Variants in NCDN observed in about 807,000 individuals in gnomAD.
NCDN encodes neurochondrin.
NCDN carries 9 observed loss-of-function variants against 60.7 expected under a neutral mutation model. The observed-to-expected ratio is 0.15, with a 90% CI of 0.09 to 0.26. The LOEUF (loss-of-function observed/expected upper bound fraction) is 0.26, where lower values mean the gene tolerates loss of function less well. NCDN is among the 10% of genes least tolerant of loss of function. NCDN has a pLI of 1.00. For missense variants in NCDN, 578 were observed against 975.2 expected, an observed-to-expected ratio of 0.59 and a Z score of 5.42; for synonymous variants, 409 against 442.5, an observed-to-expected ratio of 0.92 and a Z score of 0.95.
In NCDN at chr1:35,566,519, A is replaced by C. The variant is rs1161792212; in HGVS notation, c.*856A>C. ...CATGTTTCCCCAGTGATTACACTCC[A>C]CTGCCACCGTGGTGCCTGGCTTTAA... On this transcript the variant is annotated 3_prime_UTR_variant, in exon 7 of 7. Coordinates refer to ENST00000373243, the MANE Select transcript of NCDN (RefSeq NM_014284.3). The surrounding 1 kb of genome is among the most constrained non-coding windows in gnomAD (Gnocchi z 5.3). 3 of 315,630 alleles carry C rather than the reference A, an allele frequency of 9.5e-6. No individual in the cohort carries two copies. Among genetic ancestry groups the C allele is most frequent in the African/African-American group, 4.4e-5 (2 of 45,718 alleles). 19.6% of individuals were successfully genotyped at this position (315,630 alleles called of 1,614,324 possible).
chr1:35,563,901 C>T lies in NCDN; in HGVS notation c.1745C>T (p.Thr582Ile). 2 of 1,613,682 alleles carry T rather than the reference C, an allele frequency of 1.2e-6. No individual in the cohort carries two copies. Among genetic ancestry groups the T allele is most frequent in the Non-Finnish European group, 1.7e-6 (2 of 1,179,756 alleles). The change falls in exon 6 of 7, where the codon ACC becomes ATC. Residue 582 changes from threonine (T) to isoleucine (I), a missense_variant. This residue lies in a region of NCDN where 191 missense variants were observed against 372.1 expected (regional missense o/e 0.51). Transcript: ENST00000373243. This position sits in a 1 kb window ranked among gnomAD's most constrained non-coding sequence, Gnocchi z 6.6. ...CTCCTCATGGCCCGGCTCCTTAGCA[C>T]CTCTCCAGGTAAGAACTGGGGATCC... is the stretch of plus-strand genomic sequence containing the variant. ...LGLLMARLLS[T>I]SPALQGTPAS...
Position 35,560,220 on chromosome 1 carries a change from G to C in NCDN, c.175-106G>C. The C allele has an allele frequency of 7.1e-7, 1 of 1,416,796 alleles. No homozygotes were observed. The highest frequency in any genetic ancestry group is 9.6e-7 in the Non-Finnish European group (1 of 1,045,074). 87.8% of individuals were successfully genotyped at this position (1,416,796 alleles called of 1,614,324 possible). On this transcript the variant is annotated intron_variant, in intron 2 of 6. Coordinates refer to ENST00000373243, the MANE Select transcript of NCDN (RefSeq NM_014284.3). This position sits in a 1 kb window ranked among gnomAD's most constrained non-coding sequence, Gnocchi z 7.6. ...GATGAAATGACCTCAGATGAGTCCTGTTGCATAACCTCATCTTGCTAGTCC... is the reference window on the plus strand; with the variant it reads ...GATGAAATGACCTCAGATGAGTCCTCTTGCATAACCTCATCTTGCTAGTCC...
At position 35,565,857 on chromosome 1, in the gene NCDN, G is replaced by T. The variant is rs1648857055; in HGVS notation, c.*194G>T. The T allele has an allele frequency of 3.2e-6, 2 of 625,940 alleles. No homozygotes were observed. The highest frequency in any genetic ancestry group is 2.7e-6 in the Non-Finnish European group (1 of 370,812). The allele number at this position is 625,940 out of a possible 1,614,324, so 38.8% of individuals were successfully genotyped here. A position where few individuals can be genotyped will look rare whatever the true frequency, so the allele number is the denominator to read the frequency against. On this transcript the variant is annotated 3_prime_UTR_variant, in exon 7 of 7. Coordinates refer to ENST00000373243, the MANE Select transcript of NCDN (RefSeq NM_014284.3). This position sits in a 1 kb window ranked among gnomAD's most constrained non-coding sequence, Gnocchi z 8.9. ...TAAGGAACTGCGTTCCGCCCCTCAG[G>T]CCCCCATGGGGGCAGGGATCGGCTT...
chr1:35,560,711 G>A lies in NCDN; in HGVS notation c.560G>A (p.Gly187Glu). Residue 187 changes from glycine (G) to glutamate (E), a missense_variant, in exon 3 of 7, where the codon GGG becomes GAG. Gly to Glu is a moderately conservative substitution (Grantham distance 98, BLOSUM62 -2). Coordinates refer to ENST00000373243, the MANE Select transcript of NCDN (RefSeq NM_014284.3). This position sits in a 1 kb window ranked among gnomAD's most constrained non-coding sequence, Gnocchi z 7.6. ...TCTGCCCTATGCCAGGCATACCTGG[G>A]GCACGGCTATGGCTTTGACCAGGCC... ...TVSALCQAYL[G>E]HGYGFDQALA... is the part of the protein sequence containing the mutation. 6.2e-7 allele frequency: 1 copy of A among 1,612,526 alleles called. No individual in the cohort carries two copies. The highest frequency in any genetic ancestry group is 8.5e-7 in the Non-Finnish European group (1 of 1,180,036).
Position 35,557,811 on chromosome 1 carries a change from G to C in NCDN, c.-380G>C, listed in dbSNP as rs745978262. 8 of 522,012 alleles carry C rather than the reference G, an allele frequency of 1.5e-5. No individual in the cohort carries two copies. Among genetic ancestry groups the C allele is most frequent in the Non-Finnish European group, 3.0e-5 (8 of 270,396 alleles). The allele number at this position is 522,012 out of a possible 1,614,324, so 32.3% of individuals were successfully genotyped here. A position where few individuals can be genotyped will look rare whatever the true frequency, so the allele number is the denominator to read the frequency against. ...GCCTGGAGCCAGGAGTGGGCAACGC[G>C]GCGTGAGCAGCGGCCCGAGGCTCCC... On this transcript the variant is annotated 5_prime_UTR_variant, in exon 1 of 7. Transcript: ENST00000373243.
rs79080032 is a variant in NCDN, at chr1:35,566,341, C to A, written c.*678C>A. 1.1e-5 allele frequency: 2 copies of A among 183,004 alleles called. No individual in the cohort carries two copies. The highest frequency in any genetic ancestry group is 2.2e-4 in the South Asian group (2 of 9,054). The allele number at this position is 183,004 out of a possible 1,614,324, so 11.3% of individuals were successfully genotyped here. ...GGCCCAGATCTTTAAACCTTTGTGT[C>A]GTGTTGCAGCAGAGTGACGATGGGG... On this transcript the variant is annotated 3_prime_UTR_variant, in exon 7 of 7. Transcript: ENST00000373243. This position sits in a 1 kb window ranked among gnomAD's most constrained non-coding sequence, Gnocchi z 5.3.
chr1:35,563,432 G>A lies in NCDN; in HGVS notation c.1610+6G>A. ...ACCGCACCGGGGCTGATCAAGTGAG[G>A]GGCTCGGGAGAGGTGGGGGAGGAGG... On this transcript the variant is annotated splice_donor_region_variant and intron_variant, in intron 5 of 6. Coordinates refer to ENST00000373243, the MANE Select transcript of NCDN (RefSeq NM_014284.3). This position sits in a 1 kb window ranked among gnomAD's most constrained non-coding sequence, Gnocchi z 6.6. 2.5e-6 allele frequency: 4 copies of A among 1,610,092 alleles called. No individual in the cohort carries two copies. Among genetic ancestry groups the A allele is most frequent in the Non-Finnish European group, 3.4e-6 (4 of 1,176,730 alleles).
chr1:35,560,021 T>G lies in NCDN; in HGVS notation c.175-305T>G, dbSNP rs908898004. ...TTAAAACATTGAGTTCTAAGCCCCTTCCATCCCAGGTTGTGGGCATTTAGA... is the reference window on the plus strand; with the variant it reads ...TTAAAACATTGAGTTCTAAGCCCCTGCCATCCCAGGTTGTGGGCATTTAGA... On this transcript the variant is annotated intron_variant, in intron 2 of 6. Coordinates refer to ENST00000373243, the MANE Select transcript of NCDN (RefSeq NM_014284.3). The surrounding 1 kb of genome is among the most constrained non-coding windows in gnomAD (Gnocchi z 7.6). Among the ~76,000 whole-genome samples, 1 of 152,126 alleles carries G rather than the reference T, an allele frequency of 6.6e-6. No individual in the cohort carries two copies. The highest frequency in any genetic ancestry group is 2.4e-5 in the African/African-American group (1 of 41,416).
At position 35,560,503 on chromosome 1, in the gene NCDN, C is replaced by G. The variant is rs777606415; in HGVS notation, c.352C>G (p.Pro118Ala). Reference protein sequence around the residue: ...VALLACFCSDPELAAHPQVLN... With the variant: ...VALLACFCSDAELAAHPQVLN... ...CCTGCTGGCCTGCTTCTGCAGTGAC[C>G]CTGAACTGGCCGCCCATCCCCAAGT... The change falls in exon 3 of 7, where the codon CCT becomes GCT. Residue 118 changes from proline to alanine, a missense_variant. By Grantham distance (27) the Pro-to-Ala change is conservative (BLOSUM62 -1). Transcript: ENST00000373243. This position sits in a 1 kb window ranked among gnomAD's most constrained non-coding sequence, Gnocchi z 7.6. 5 of 1,613,918 alleles carry G rather than the reference C, an allele frequency of 3.1e-6. No individual in the cohort carries two copies. The Admixed American group carries it at 8.3e-5, about 27-fold the overall frequency.
rs530675003 is a variant in NCDN at position 35,565,102 on chromosome 1, C to T, written c.1754-125C>T. 103 of 960,558 alleles carry T rather than the reference C, an allele frequency of 1.1e-4. No individual in the cohort carries two copies. The South Asian group carries it at 1.3e-3, about 12-fold the overall frequency. The allele number at this position is 960,558 out of a possible 1,614,324, so 59.5% of individuals were successfully genotyped here. A position where few individuals can be genotyped will look rare whatever the true frequency, so the allele number is the denominator to read the frequency against. ...GTGAGCATCTAAGGCAGGGTTTCAA[C>T]GCAGGCAGTCTGATTCCAGGCTGTG... is the stretch of plus-strand genomic sequence containing the variant. On this transcript the variant is annotated intron_variant, in intron 6 of 6. Coordinates refer to ENST00000373243, the MANE Select transcript of NCDN (RefSeq NM_014284.3). This position sits in a 1 kb window ranked among gnomAD's most constrained non-coding sequence, Gnocchi z 8.9.
In NCDN at chr1:35,561,854, GC is replaced by G; in HGVS notation, c.1144-536del. ...AGTCATGACTCTGGTCTCTTTAATGGCCTGCTCCAGCCACCGAGCTCACCAG... is the reference window on the plus strand; with the variant it reads ...AGTCATGACTCTGGTCTCTTTAATGGCTGCTCCAGCCACCGAGCTCACCAG... On this transcript the variant is annotated intron_variant, in intron 3 of 6. Transcript: ENST00000373243. The surrounding 1 kb of genome is among the most constrained non-coding windows in gnomAD (Gnocchi z 4.9). 6.6e-6 allele frequency among the ~76,000 whole-genome samples: 1 copy of G among 151,982 alleles called. No homozygotes were observed. Among genetic ancestry groups the G allele is most frequent in the East Asian group, 1.9e-4 (1 of 5,158 alleles).
chr1:35,566,650 CA>C lies in NCDN; in HGVS notation c.*988del, dbSNP rs1648887597. The stretch of plus-strand genomic sequence containing the variant: ...GGGACCACACACACACACACACACA[CA>C]CACACACACACACACACACACACAC... On this transcript the variant is annotated 3_prime_UTR_variant, in exon 7 of 7. Transcript: ENST00000373243. This position sits in a 1 kb window ranked among gnomAD's most constrained non-coding sequence, Gnocchi z 5.3. 1 of 399,684 alleles carries C rather than the reference CA, an allele frequency of 2.5e-6. No individual in the cohort carries two copies. The highest frequency in any genetic ancestry group is 5.0e-6 in the Non-Finnish European group (1 of 198,442). 24.8% of individuals were successfully genotyped at this position (399,684 alleles called of 1,614,324 possible).
chr1:35,563,753 CCTTT>C lies in NCDN; in HGVS notation c.1611-9_1611-6del, dbSNP rs758044776. 7.4e-6 allele frequency: 12 copies of C among 1,613,388 alleles called. No homozygotes were observed. The African/African-American group carries it at 1.1e-4, about 14-fold the overall frequency. ...CCCCCACCTACCTCCATCCTTCCCC[CCTTT>C]CTTTTCCAGGCGTGACGCCTGCTTC... On this transcript the variant is annotated splice_polypyrimidine_tract_variant and intron_variant, in intron 5 of 6. Coordinates refer to ENST00000373243, the MANE Select transcript of NCDN (RefSeq NM_014284.3). The surrounding 1 kb of genome is among the most constrained non-coding windows in gnomAD (Gnocchi z 6.6).
Position 35,560,461 on chromosome 1 carries a change from C to G in NCDN, c.310C>G (p.Arg104Gly). 6.2e-7 allele frequency: 1 copy of G among 1,613,960 alleles called. No homozygotes were observed. ...APDGCPDHVL[R>G]ALGVALLACF... The stretch of plus-strand genomic sequence containing the variant: ...GGATGGCTGCCCTGACCATGTTCTG[C>G]GGGCTTTGGGTGTGGCCCTGCTGGC... Residue 104 changes from arginine (R) to glycine (G), a missense_variant, in exon 3 of 7, where the codon CGG becomes GGG. Physicochemically the swap from Arg to Gly is moderately radical, Grantham distance 125. Transcript: ENST00000373243. The surrounding 1 kb of genome is among the most constrained non-coding windows in gnomAD (Gnocchi z 7.6).
At position 35,565,108 on chromosome 1, in the gene NCDN, C is replaced by G; in HGVS notation, c.1754-119C>G. On this transcript the variant is annotated intron_variant, in intron 6 of 6. Transcript: ENST00000373243. The surrounding 1 kb of genome is among the most constrained non-coding windows in gnomAD (Gnocchi z 8.9). The stretch of plus-strand genomic sequence containing the variant: ...ATCTAAGGCAGGGTTTCAACGCAGG[C>G]AGTCTGATTCCAGGCTGTGCCCTGG... 1 of 1,000,892 alleles carries G rather than the reference C, an allele frequency of 1.0e-6. No homozygotes were observed. Among genetic ancestry groups the G allele is most frequent in the South Asian group, 1.6e-5 (1 of 62,428 alleles). The allele number at this position is 1,000,892 out of a possible 1,614,324, so 62.0% of individuals were successfully genotyped here. A position where few individuals can be genotyped will look rare whatever the true frequency, so the allele number is the denominator to read the frequency against.
rs1412899640 is a variant in NCDN at position 35,558,232 on chromosome 1, C to A, written c.33+9C>A. On this transcript the variant is annotated intron_variant, in intron 1 of 6. Transcript: ENST00000373243. This position sits in a 1 kb window ranked among gnomAD's most constrained non-coding sequence, Gnocchi z 6.3. ...TGGCTGCGGCGGGACAGGTGGTGAC[C>A]GCCAGGAACCCTCCTCCCCTTCTCA... 3.7e-6 allele frequency: 6 copies of A among 1,613,956 alleles called. No individual in the cohort carries two copies. Among genetic ancestry groups the A allele is most frequent in the Middle Eastern group, 1.6e-4 (1 of 6,062 alleles).
rs1202626049 is a variant in NCDN, at chr1:35,561,266, T to C, written c.1115T>C (p.Ile372Thr). ...VQLVSVMKEA[I>T]GAVIHYLLQV... ...CTCGTGAGCGTCATGAAGGAGGCCA[T>C]AGGGGCTGTTATCCACTACCTGCTG... Residue 372 changes from isoleucine to threonine, a missense_variant, in exon 3 of 7, where the codon ATA becomes ACA. Physicochemically the swap from Ile to Thr is moderately conservative, Grantham distance 89. Around this residue, in one of 3 missense-constraint regions of NCDN, gnomAD observed 363 missense variants for 583.6 expected, o/e 0.62. Transcript: ENST00000373243. This position sits in a 1 kb window ranked among gnomAD's most constrained non-coding sequence, Gnocchi z 4.9. 6.2e-7 allele frequency: 1 copy of C among 1,602,526 alleles called. No homozygotes were observed. Among genetic ancestry groups the C allele is most frequent in the African/African-American group, 1.3e-5 (1 of 74,954 alleles).
Position 35,557,898 on chromosome 1 carries a change from C to A in NCDN, c.-293C>A. On this transcript the variant is annotated 5_prime_UTR_variant, in exon 1 of 7. Coordinates refer to ENST00000373243, the MANE Select transcript of NCDN (RefSeq NM_014284.3). ...GCCGCAGCCTGGTGAGCTCAGCCCCCTTCGGGCCCTCCCCTGCATCCCAGC... is the reference window on the plus strand; with the variant it reads ...GCCGCAGCCTGGTGAGCTCAGCCCCATTCGGGCCCTCCCCTGCATCCCAGC... The A allele has an allele frequency of 1.6e-6, 1 of 626,654 alleles. No individual in the cohort carries two copies. The highest frequency in any genetic ancestry group is 2.9e-6 in the Non-Finnish European group (1 of 342,912). 38.8% of individuals were successfully genotyped at this position (626,654 alleles called of 1,614,324 possible).
chr1:35,559,073 G>A (rs753740710), intron 1 of NCDN, 34 bp from the exon 2 acceptor site: 1 of 1,327,390 alleles, frequency 7.5e-7, no homozygotes, highest in Non-Finnish European at 1.0e-6. Flanking sequence ...TCCCTCCTCT[G>A]CAGAGGGATG....
Sources: allele counts gnomAD v4.1 joint callset (sites outside exome capture counted in the v4.1 genomes callset), GRCh38; gene constraint gnomAD v4.1.1; regional missense constraint gnomAD v4.1.1; non-coding constraint Gnocchi (gnomAD v3.1); transcripts MANE v1.5; gene names NCBI Gene and HGNC (gene_info 2026-07-23, HGNC 2026-07-21).